MED12: variants seen among roughly 807,000 people sequenced by gnomAD.
MED12 encodes the protein mediator complex subunit 12.
In MED12, 10 loss-of-function variants were observed where a neutral mutation model predicts 177.7. The observed-to-expected ratio is 0.06, with a 90% CI of 0.03 to 0.10. MED12 has a LOEUF of 0.10. Among genes scored for constraint, MED12 ranks in the 10% least tolerant of loss-of-function variants. The pLI is 1.00. For missense variants in MED12, 867 were observed against 1,780.8 expected, an observed-to-expected ratio of 0.49 and a Z score of 9.23; for synonymous variants, 641 against 678.4, an observed-to-expected ratio of 0.94 and a Z score of 0.86.
intron 34 of MED12, 49 bp from the exon 35 acceptor site, chrX:71,134,664 T>G (rs774950782): frequency 8.3e-7 from 1 of 1,206,158 alleles, no homozygotes; most frequent in African/African-American, 1.7e-5. Flanking sequence ...GGCCTTTTTC[T>G]ATCTTCACCT....
chrX:71,128,248 G>T, intron 22 of MED12, 48 bp from the exon 23 acceptor site: 8 of 1,210,736 alleles, frequency 6.6e-6, no homozygotes, highest in Non-Finnish European at 8.9e-6. Context: ...TGGGTCTGAG[G>T]TTTTGTGGAG....
intron 41 of MED12, among the ~76,000 whole-genome samples, chrX:71,138,858 G>T (rs1439671926): frequency 6.3e-5 from 7 of 111,633 alleles, no homozygotes. Context: ...TGAATACCAG[G>T]TTAAATACCA....
intron 14 of MED12, 48 bp from the exon 15 acceptor site, chrX:71,124,928 C>A: frequency 8.3e-7 from 1 of 1,198,821 alleles, no homozygotes; most frequent in Non-Finnish European, 1.1e-6. Flanking sequence ...TTTGCCCCCT[C>A]ATCCACTTTC....
At chrX:71,137,515 C>A (rs753523863) in intron 39 of MED12, 43 bp from the exon 40 acceptor site, 3 of 1,170,496 alleles carry the variant, frequency 2.6e-6, no homozygotes, top group African/African-American at 3.6e-5. Flanking sequence ...GAGATGGCAG[C>A]AAGCATTTCC....
intron 24 of MED12, 84 bp from the exon 25 acceptor site, chrX:71,129,030 T>C: frequency 1.3e-6 from 1 of 745,091 alleles, no homozygotes; most frequent in Non-Finnish European, 2.1e-6. Context: ...TGCCATACAC[T>C]TGCATGCATG....
chrX:71,132,373 C>A lies in MED12; in HGVS notation c.4254-4C>A, dbSNP rs2092319766. On this transcript the variant is annotated splice_region_variant and splice_polypyrimidine_tract_variant and intron_variant, in intron 30 of 44. Transcript: ENST00000374080. Reference sequence around the variant, plus strand: ...TGACCCTGTGTCCTCTGTCTGTTCTCCAGCTCTCTAGAGCGCTCTGGTGTA... The same window carrying A: ...TGACCCTGTGTCCTCTGTCTGTTCTACAGCTCTCTAGAGCGCTCTGGTGTA... 8.3e-7 allele frequency: 1 copy of A among 1,210,874 alleles called. No individual in the cohort carries two copies. The highest frequency in any genetic ancestry group is 3.0e-5 in the East Asian group (1 of 33,866).
chrX:71,125,036 G>T lies in MED12; in HGVS notation c.2116G>T (p.Val706Phe), dbSNP rs1300750523. 1.7e-6 allele frequency: 2 copies of T among 1,208,732 alleles called. No individual in the cohort carries two copies. Among genetic ancestry groups the T allele is most frequent in the African/African-American group, 3.5e-5 (2 of 56,803 alleles). The change falls in exon 15 of 45, where the codon GTC becomes TTC. Residue 706 changes from valine (V) to phenylalanine (F), a missense_variant. Coordinates refer to ENST00000374080, the MANE Select transcript of MED12 (RefSeq NM_005120.3). ...KGSPSPEKPD[V>F]EKEVKPPPKE... is the part of the protein sequence containing the mutation. ...CAGTCCATCCCCTGAGAAGCCAGAT[G>T]TCGAGAAGGAGGTGAAGCCCCCACC...
intron 13 of MED12, 66 bp downstream of exon 13, chrX:71,124,454 G>A (rs1407829984): frequency 4.1e-5 from 36 of 867,545 alleles, no homozygotes; most frequent in Non-Finnish European, 5.4e-5. Flanking sequence ...GCTCCCAGGG[G>A]CCTCTAAGAG....
rs917036986 is a variant in MED12 at position 71,138,026 on chromosome X, G to A, written c.6044+83G>A. 6.2e-6 allele frequency: 6 copies of A among 968,332 alleles called. No homozygotes were observed. In the African/African-American group the frequency reaches 7.6e-5, roughly 12 times the overall value. The allele number at this position is 968,332 out of a possible 1,213,427, so 79.8% of individuals were successfully genotyped here. On this transcript the variant is annotated intron_variant, in intron 41 of 44. Transcript: ENST00000374080. ...TTGGGAAAGCCTGTGCCTGAAAGTG[G>A]TGGGACTGGTCAGAACTTTCGGAGA...
At chrX:71,132,979 G>C in intron 32 of MED12, 23 bp downstream of exon 32, 1 of 1,136,882 alleles carries the variant, frequency 8.8e-7, no homozygotes, top group Admixed American at 2.4e-5. Context: ...GGGCCATGGA[G>C]GTGGGCAGGA....
chrX:71,138,525 G>T (rs1260733371), intron 41 of MED12, among the ~76,000 whole-genome samples: 1 of 109,002 alleles, frequency 9.2e-6, no homozygotes, highest in Admixed American at 9.8e-5. Flanking sequence ...ATGGGGTTTC[G>T]CCATGTTGCC....
At position 71,142,220 on chromosome X, in the gene MED12, C is replaced by T. The variant is rs759851468; in HGVS notation, c.*2C>T. Reference sequence around the variant, plus strand: ...ACCAACATATTTGGACGCTACTGAGCCACCTGGAGGAACTGCTTGTGCACT... The same window carrying T: ...ACCAACATATTTGGACGCTACTGAGTCACCTGGAGGAACTGCTTGTGCACT... On this transcript the variant is annotated 3_prime_UTR_variant, in exon 45 of 45. Transcript: ENST00000374080. 8 of 1,209,805 alleles carry T rather than the reference C, an allele frequency of 6.6e-6. No homozygotes were observed. The Admixed American group carries it at 1.5e-4, about 23-fold the overall frequency.
At chrX:71,136,762 A>T in intron 37 of MED12, 107 bp downstream of exon 37, 1 of 1,181,595 alleles carries the variant, frequency 8.5e-7, no homozygotes, top group Admixed American at 2.3e-5. Flanking sequence ...GTGCCATTAG[A>T]ATCATAATAA....
In MED12 at chrX:71,133,106, A is replaced by T; in HGVS notation, c.4528-17A>T. The stretch of plus-strand genomic sequence containing the variant: ...CGAAGATCCCTGAGCTGCATATTTT[A>T]TTTGTTTCTATTCTAGATTGTGAAT... On this transcript the variant is annotated splice_polypyrimidine_tract_variant and intron_variant, in intron 32 of 44. Coordinates refer to ENST00000374080, the MANE Select transcript of MED12 (RefSeq NM_005120.3). 8.8e-7 allele frequency: 1 copy of T among 1,138,582 alleles called. No homozygotes were observed. The highest frequency in any genetic ancestry group is 1.2e-6 in the Non-Finnish European group (1 of 829,187). The allele number at this position is 1,138,582 out of a possible 1,213,427, so 93.8% of individuals were successfully genotyped here.
At chrX:71,122,917 A>G (rs374507257) in intron 10 of MED12, 43 bp downstream of exon 10, 12 of 1,193,684 alleles carry the variant, frequency 1.0e-5, no homozygotes, top group African/African-American at 5.3e-5. Flanking sequence ...ACATTGCAAG[A>G]GCAATAATAT....
intron 27 of MED12, 87 bp downstream of exon 27, chrX:71,129,942 T>C: frequency 8.5e-7 from 1 of 1,177,433 alleles, no homozygotes; most frequent in Non-Finnish European, 1.2e-6. Context: ...AGCTCCCTAC[T>C]ATACATTGTG....
intron 1 of MED12, 95 bp from the exon 2 acceptor site, chrX:71,119,278 T>A: frequency 1.6e-6 from 1 of 622,771 alleles, no homozygotes; most frequent in Non-Finnish European, 2.7e-6. Context: ...CCTCCTGCCC[T>A]TTCACCTTGT....
In MED12 at chrX:71,126,406, G is replaced by C. The variant is rs1212722995; in HGVS notation, c.2607G>C (p.Leu869=). 2 of 1,210,165 alleles carry C rather than the reference G, an allele frequency of 1.7e-6. No individual in the cohort carries two copies. Among genetic ancestry groups the C allele is most frequent in the African/African-American group, 3.5e-5 (2 of 57,295 alleles). The stretch of plus-strand genomic sequence containing the variant: ...TTGGCATGTCATACCACTTGCCTCT[G>C]GTGCAGCATGTGCAGTTCATCTTCG... The part of the protein sequence containing the change: ...FALGMSYHLP[L]VQHVQFIFDL... Residue 869 remains leucine, a synonymous_variant, in exon 19 of 45, where the codon CTG becomes CTC. Transcript: ENST00000374080.
chrX:71,127,532 A>G, intron 21 of MED12, 65 bp downstream of exon 21: 1 of 1,033,827 alleles, frequency 9.7e-7, no homozygotes, highest in Non-Finnish European at 1.3e-6. Flanking sequence ...TGACCACCCA[A>G]CTCAGGAGGA....
Sources: allele counts gnomAD v4.1 joint callset (sites outside exome capture counted in the v4.1 genomes callset), GRCh38; gene constraint gnomAD v4.1.1; transcripts MANE v1.5; gene names NCBI Gene and HGNC (gene_info 2026-07-23, HGNC 2026-07-21).